The following CACNA2D1 variants were observed in gnomAD, a reference collection of about 807,000 sequenced individuals.
CACNA2D1 encodes the protein voltage-dependent calcium channel subunit alpha-2/delta-1.
Under a neutral mutation model 171.5 loss-of-function variants are expected in CACNA2D1, and 53 were observed. The observed-to-expected ratio is 0.31, with a 90% CI of 0.25 to 0.39. The LOEUF is 0.39. Among genes scored for constraint, CACNA2D1 ranks in the 10% least tolerant of loss-of-function variants. CACNA2D1 has a pLI of 1.00. For synonymous variants in CACNA2D1, 442 were observed against 443.1 expected (o/e 1.00, Z 0.03); for missense variants, 903 against 1,299.8 (o/e 0.69, Z 4.69).
chr7:81,980,866 G>A (rs879572212), intron 24 of CACNA2D1, among the ~76,000 whole-genome samples: 6 of 152,074 alleles, frequency 3.9e-5, no homozygotes, highest in African/African-American at 7.2e-5. Flanking sequence ...AAGATTGCTC[G>A]TTTGGGAGGA....
At chr7:82,086,368 T>C (rs1318087209) in intron 6 of CACNA2D1, among the ~76,000 whole-genome samples, 3 of 152,192 alleles carry the variant, frequency 2.0e-5, no homozygotes, top group African/African-American at 7.2e-5. Flanking sequence ...TATTGAAAAC[T>C]AACAAGATTT....
At chr7:82,333,993 A>G (rs1237230072) in intron 3 of CACNA2D1, among the ~76,000 whole-genome samples, 3 of 152,208 alleles carry the variant, frequency 2.0e-5, no homozygotes, top group African/African-American at 7.2e-5. Flanking sequence ...TTTGCATCAT[A>G]TATAACTAAA....
At chr7:82,387,147 C>G (rs1824501972) in intron 1 of CACNA2D1, among the ~76,000 whole-genome samples, 1 of 151,892 alleles carries the variant, frequency 6.6e-6, no homozygotes, top group Non-Finnish European at 1.5e-5. Context: ...CATTAAATGC[C>G]CTCACTATGA....
At chr7:82,398,072 G>A (rs891965100) in intron 1 of CACNA2D1, among the ~76,000 whole-genome samples, 3 of 152,116 alleles carry the variant, frequency 2.0e-5, no homozygotes, top group Admixed American at 6.5e-5. Flanking sequence ...CTACTCTTTC[G>A]TCTGAATATC....
chr7:82,308,371 TCA>T (rs1813993905), intron 3 of CACNA2D1, among the ~76,000 whole-genome samples: 1 of 152,202 alleles, frequency 6.6e-6, no homozygotes, highest in African/African-American at 2.4e-5. Context: ...TGATATGCCT[TCA>T]AAACACAGCG....
At chr7:81,971,953 T>C in intron 25 of CACNA2D1, 89 bp from the exon 26 acceptor site, 1 of 805,922 alleles carries the variant, frequency 1.2e-6, no homozygotes, top group Non-Finnish European at 2.2e-6. Flanking sequence ...AAAAGCAATT[T>C]AGAGTAGATA....
At chr7:82,125,038 T>C (rs1309961426) in intron 5 of CACNA2D1, among the ~76,000 whole-genome samples, 1 of 152,156 alleles carries the variant, frequency 6.6e-6, no homozygotes, top group African/African-American at 2.4e-5. Flanking sequence ...TCATTAAAGA[T>C]TGGGCACTGA....
rs955069844 is a variant in CACNA2D1 at position 82,145,677 on chromosome 7, TAC to T, written c.355-9003_355-9002del. ...TTTTATATATATGCACATACATACA[TAC>T]ACACACATTCTGTATATATATTATA... On this transcript the variant is annotated intron_variant, in intron 4 of 38. Transcript: ENST00000356860. Among the ~76,000 whole-genome samples the T allele has an allele frequency of 4.7e-5, 7 of 147,386 alleles. No homozygotes were observed. In the East Asian group the frequency reaches 5.9e-4, roughly 12 times the overall value.
At chr7:82,156,952 T>A (rs977477855) in intron 4 of CACNA2D1, among the ~76,000 whole-genome samples, 1 of 152,136 alleles carries the variant, frequency 6.6e-6, no homozygotes, top group Non-Finnish European at 1.5e-5. Flanking sequence ...ATAAAAATAT[T>A]TTGATGAATT....
chr7:82,298,934 G>A (rs1232067440), intron 3 of CACNA2D1, among the ~76,000 whole-genome samples: 1 of 151,738 alleles, frequency 6.6e-6, no homozygotes, highest in Non-Finnish European at 1.5e-5. Context: ...GTGGTGGCGG[G>A]TGCATGTAAT....
chr7:81,966,105 A>T (rs2130345462), intron 31 of CACNA2D1, among the ~76,000 whole-genome samples: 1 of 151,870 alleles, frequency 6.6e-6, no homozygotes, highest in African/African-American at 2.4e-5. Flanking sequence ...TCAGTACTAT[A>T]AGACTATTTA....
At chr7:82,086,691 T>C (rs1361204989) in intron 6 of CACNA2D1, among the ~76,000 whole-genome samples, 2 of 152,204 alleles carry the variant, frequency 1.3e-5, no homozygotes, top group African/African-American at 4.8e-5. Flanking sequence ...ATGATCCAGA[T>C]AGACTTCATT....
At chr7:82,157,837 T>C (rs1794522702) in intron 4 of CACNA2D1, among the ~76,000 whole-genome samples, 2 of 152,026 alleles carry the variant, frequency 1.3e-5, no homozygotes, top group East Asian at 1.9e-4. Context: ...TACCTCAGAT[T>C]TTCAAATAAA....
At chr7:82,174,147 C>T (rs868626369) in intron 3 of CACNA2D1, among the ~76,000 whole-genome samples, 36 of 136,858 alleles carry the variant, frequency 2.6e-4, no homozygotes, top group Admixed American at 1.1e-3. Flanking sequence ...ATAAGTATAT[C>T]CTGTAACAAT....
chr7:82,130,684 A>C (rs1409506013), intron 5 of CACNA2D1, among the ~76,000 whole-genome samples: 2 of 151,888 alleles, frequency 1.3e-5, no homozygotes, highest in South Asian at 4.1e-4. Context: ...GAAAAAGTTA[A>C]AATAACCAGA....
chr7:82,434,185 G>A (rs537661613), intron 1 of CACNA2D1, among the ~76,000 whole-genome samples: 4 of 152,316 alleles, frequency 2.6e-5, no homozygotes, highest in African/African-American at 9.6e-5. Flanking sequence ...TTTTTCTGCA[G>A]TTGTTGGAAC....
rs765988759 is a variant in CACNA2D1, at chr7:82,012,253, G to GAA, written c.1273-11_1273-10insTT. 7.7e-7 allele frequency: 1 copy of GAA among 1,297,822 alleles called. No homozygotes were observed. Among genetic ancestry groups the GAA allele is most frequent in the Non-Finnish European group, 1.1e-6 (1 of 950,954 alleles). The allele number at this position is 1,297,822 out of a possible 1,614,324, so 80.4% of individuals were successfully genotyped here. A position where few individuals can be genotyped will look rare whatever the true frequency, so the allele number is the denominator to read the frequency against. On this transcript the variant is annotated splice_polypyrimidine_tract_variant and intron_variant, in intron 14 of 38. Transcript: ENST00000356860. Reference sequence around the variant, plus strand: ...AAACATCCAAATATTCCTGTTTATGGGAAAAAAAAAAAAAGTCGTGGTTAA... The same window carrying GAA: ...AAACATCCAAATATTCCTGTTTATGGAAGAAAAAAAAAAAAAGTCGTGGTTAA...
At chr7:82,391,161 G>C (rs182506868) in intron 1 of CACNA2D1, among the ~76,000 whole-genome samples, 128 of 152,234 alleles carry the variant, frequency 8.4e-4, no homozygotes, top group Admixed American at 3.5e-3. Context: ...ATCACTCACA[G>C]TTCATGTGAC....
intron 18 of CACNA2D1, among the ~76,000 whole-genome samples, chr7:82,003,847 A>G (rs988476619): frequency 2.6e-5 from 4 of 151,188 alleles, no homozygotes; most frequent in Middle Eastern, 3.4e-3. Context: ...CGGGTTCAAG[A>G]GATTCTCCCT....
Sources: gnomAD v4.1 joint callset for allele counts (sites outside exome capture counted in the v4.1 genomes callset) on GRCh38, gnomAD v4.1.1 for gene constraint, MANE v1.5 for transcripts, NCBI Gene and HGNC (gene_info 2026-07-23, HGNC 2026-07-21) for gene names.